The following PRKG1 variants were observed in gnomAD, a reference collection of about 807,000 sequenced individuals.
PRKG1 encodes the protein protein kinase cGMP-dependent 1.
In PRKG1, 35 loss-of-function variants were observed where a neutral mutation model predicts 88.1. The ratio of observed to expected loss-of-function variants is 0.40; its 90% confidence interval spans 0.30 to 0.53. PRKG1 has a LOEUF of 0.53. Among genes scored for constraint, PRKG1 ranks in the 20% least tolerant of loss-of-function variants. The pLI, the probability that PRKG1 is intolerant of heterozygous loss-of-function variation, is 0.59. For missense variants in PRKG1, 540 were observed against 839.8 expected (o/e 0.64, Z 4.41); for synonymous variants, 303 against 292.5 (o/e 1.04, Z -0.37).
chr10:51,968,342 G>A (rs563699822), intron 5 of PRKG1, among the ~76,000 whole-genome samples: 1 of 152,202 alleles, frequency 6.6e-6, no homozygotes, highest in East Asian at 1.9e-4. Context: ...AGGCTATGTA[G>A]GCACAGCAAG....
At chr10:52,291,318 A>G (rs1404912136) in intron 17 of PRKG1, among the ~76,000 whole-genome samples, 1 of 151,254 alleles carries the variant, frequency 6.6e-6, no homozygotes, top group African/African-American at 2.4e-5. Context: ...GGTTAGTTAC[A>G]TATGTATACA....
At chr10:51,398,015 C>T (rs1213195178) in intron 2 of PRKG1, among the ~76,000 whole-genome samples, 3 of 152,144 alleles carry the variant, frequency 2.0e-5, no homozygotes, top group African/African-American at 7.2e-5. Context: ...TATTGCAGCT[C>T]TTCATGGCTT....
At chr10:51,990,065 A>G (rs1844263718) in intron 5 of PRKG1, among the ~76,000 whole-genome samples, 1 of 152,144 alleles carries the variant, frequency 6.6e-6, no homozygotes, top group Non-Finnish European at 1.5e-5. Flanking sequence ...TTATTTCAAC[A>G]CTATTTATTG....
intron 4 of PRKG1, among the ~76,000 whole-genome samples, chr10:51,811,162 G>A (rs1589308673): frequency 6.6e-6 from 1 of 152,188 alleles, no homozygotes; most frequent in East Asian, 1.9e-4. Flanking sequence ...TTCATAGTTT[G>A]TTTTCTGATG....
intron 4 of PRKG1, among the ~76,000 whole-genome samples, chr10:51,903,745 G>C (rs1281473600): frequency 6.6e-6 from 1 of 151,992 alleles, no homozygotes; most frequent in Non-Finnish European, 1.5e-5. Flanking sequence ...GTAAAGTGTT[G>C]TTTTGAAAGG....
intron 2 of PRKG1, among the ~76,000 whole-genome samples, chr10:51,430,258 T>A (rs1838724122): frequency 6.6e-6 from 1 of 151,588 alleles, no homozygotes; most frequent in Admixed American, 6.6e-5. Context: ...CTACAAAAAA[T>A]TAAAGAAAAA....
At chr10:51,824,416 G>A (rs1452504527) in intron 4 of PRKG1, among the ~76,000 whole-genome samples, 1 of 151,824 alleles carries the variant, frequency 6.6e-6, no homozygotes, top group African/African-American at 2.4e-5. Context: ...TTTTTCATCT[G>A]GCTTTATTTA....
At chr10:51,537,252 A>C (rs1185328229) in intron 3 of PRKG1, among the ~76,000 whole-genome samples, 1 of 152,198 alleles carries the variant, frequency 6.6e-6, no homozygotes, top group East Asian at 1.9e-4. Context: ...CTTTGTACCT[A>C]ATGTCTTGCA....
chr10:51,392,324 G>C (rs991587510), intron 2 of PRKG1, among the ~76,000 whole-genome samples: 3 of 151,964 alleles, frequency 2.0e-5, no homozygotes, highest in African/African-American at 7.2e-5. Context: ...TTAGGGAGTG[G>C]TGATGACTCT....
chr10:51,645,407 A>T (rs1839893742), intron 3 of PRKG1, among the ~76,000 whole-genome samples: 1 of 152,232 alleles, frequency 6.6e-6, no homozygotes, highest in South Asian at 2.1e-4. Context: ...AACTACAAAT[A>T]AATAAGCAAT....
intron 5 of PRKG1, among the ~76,000 whole-genome samples, chr10:51,966,046 A>AT (rs1460688290): frequency 6.6e-6 from 1 of 152,002 alleles, no homozygotes; most frequent in Non-Finnish European, 1.5e-5. Flanking sequence ...TAATTATGTG[A>AT]TTTTTAGTAC....
At chr10:51,900,703 T>C (rs1228136201) in intron 4 of PRKG1, among the ~76,000 whole-genome samples, 1 of 152,180 alleles carries the variant, frequency 6.6e-6, no homozygotes, top group East Asian at 1.9e-4. Flanking sequence ...CACTGTCTGT[T>C]ATTGCCCTTT....
intron 1 of PRKG1, among the ~76,000 whole-genome samples, chr10:50,996,202 A>T (rs1025069281): frequency 6.6e-6 from 1 of 152,212 alleles, no homozygotes; most frequent in Admixed American, 6.5e-5. Context: ...TCATTTTCTC[A>T]CAGCAGCCCT....
chr10:51,099,249 AG>A (rs1373839450), intron 1 of PRKG1, among the ~76,000 whole-genome samples: 1 of 152,104 alleles, frequency 6.6e-6, no homozygotes, highest in Non-Finnish European at 1.5e-5. Flanking sequence ...CCCTGGAGTG[AG>A]GGGCAGAGAT....
chr10:51,550,754 A>G (rs1837108490), intron 3 of PRKG1, among the ~76,000 whole-genome samples: 1 of 151,974 alleles, frequency 6.6e-6, no homozygotes, highest in Admixed American at 6.6e-5. Context: ...GAATCTGTGT[A>G]AGTACTGATA....
At chr10:51,412,297 A>G (rs1213310295) in intron 2 of PRKG1, among the ~76,000 whole-genome samples, 1 of 151,978 alleles carries the variant, frequency 6.6e-6, no homozygotes, top group Non-Finnish European at 1.5e-5. Flanking sequence ...AAAAAACACA[A>G]AACTCAAAAC....
At position 51,451,604 on chromosome 10, in the gene PRKG1, G is replaced by A. The variant is rs531426344; in HGVS notation, c.479-16119G>A. Among the ~76,000 whole-genome samples, 6 of 151,908 alleles carry A rather than the reference G, an allele frequency of 3.9e-5. No homozygotes were observed. In the South Asian group the frequency reaches 1.0e-3, roughly 26 times the overall value. ...AACCAGTTTGAACTTCTTAACAGGGGGATACTTTATCAGAATTGCATCCAA... is the reference window on the plus strand; with the variant it reads ...AACCAGTTTGAACTTCTTAACAGGGAGATACTTTATCAGAATTGCATCCAA... On this transcript the variant is annotated intron_variant, in intron 2 of 17. Transcript: ENST00000373980.
At chr10:52,024,837 A>G (rs1360618923) in intron 5 of PRKG1, among the ~76,000 whole-genome samples, 1 of 152,218 alleles carries the variant, frequency 6.6e-6, no homozygotes, top group African/African-American at 2.4e-5. Flanking sequence ...TCCTTTGGTT[A>G]TATACCTAGT....
intron 5 of PRKG1, among the ~76,000 whole-genome samples, chr10:51,938,348 T>G (rs986917900): frequency 3.3e-5 from 5 of 152,032 alleles, no homozygotes; most frequent in African/African-American, 1.2e-4. Flanking sequence ...AGATAGTATA[T>G]ATAGGATTTG....
Sources: gnomAD v4.1 joint callset for allele counts (sites outside exome capture counted in the v4.1 genomes callset) on GRCh38, gnomAD v4.1.1 for gene constraint, MANE v1.5 for transcripts, NCBI Gene and HGNC (gene_info 2026-07-23, HGNC 2026-07-21) for gene names.